TMEM202: variants seen among roughly 807,000 people sequenced by gnomAD.
TMEM202 encodes the protein transmembrane protein 202.
Under a neutral mutation model 26.1 loss-of-function variants are expected in TMEM202, and 25 were observed. The observed-to-expected ratio is 0.96, with a 90% CI of 0.70 to 1.34. TMEM202 has a LOEUF of 1.34. Among genes scored for constraint, TMEM202 ranks in the 40% most tolerant of loss-of-function variants. The pLI, the probability that TMEM202 is intolerant of heterozygous loss-of-function variation, is 0.00. For synonymous variants in TMEM202, 122 were observed against 119.0 expected (o/e 1.02, Z -0.16); for missense variants, 301 against 327.7 (o/e 0.92, Z 0.63).
Position 72,398,750 on chromosome 15 carries a change from G to A in TMEM202, c.179G>A (p.Cys60Tyr). ...DQAHIYIRTL[C>Y]GSLCSFSLLM... ...GCACACATCTACATCCGAACGCTCT[G>A]TGGCAGCCTCTGTAGTTTTAGCCTC... is the stretch of plus-strand genomic sequence containing the variant. The change falls in exon 2 of 5, where the codon TGT becomes TAT. Residue 60 changes from cysteine to tyrosine, a missense_variant. By Grantham distance (194) the Cys-to-Tyr change is radical (BLOSUM62 -2). Coordinates refer to ENST00000341689, the MANE Select transcript of TMEM202 (RefSeq NM_001080462.3). 6.2e-7 allele frequency: 1 copy of A among 1,614,192 alleles called. No homozygotes were observed. The highest frequency in any genetic ancestry group is 8.5e-7 in the Non-Finnish European group (1 of 1,180,038).
Position 72,408,140 on chromosome 15 carries a change from A to G in TMEM202, c.*247A>G, listed in dbSNP as rs894835128. The G allele has an allele frequency of 1.6e-5, 7 of 437,996 alleles. No homozygotes were observed. The Middle Eastern group carries it at 4.0e-3, about 249-fold the overall frequency. 27.1% of individuals were successfully genotyped at this position (437,996 alleles called of 1,614,324 possible). ...AATGTTTAGAGTCATGAATGAAAGAAACTAGTGAAAGATGCAGTGTGTAGA... is the reference window on the plus strand; with the variant it reads ...AATGTTTAGAGTCATGAATGAAAGAGACTAGTGAAAGATGCAGTGTGTAGA... On this transcript the variant is annotated 3_prime_UTR_variant, in exon 5 of 5. Transcript: ENST00000341689.
intron 2 of TMEM202, among the ~76,000 whole-genome samples, chr15:72,404,011 T>C (rs542713297): frequency 1.3e-5 from 2 of 152,218 alleles, no homozygotes; most frequent in Non-Finnish European, 2.9e-5. Flanking sequence ...GGACTTTATA[T>C]GTTAGGCTGG....
chr15:72,399,866 A>G (rs1036902331), intron 2 of TMEM202, among the ~76,000 whole-genome samples: 4 of 152,248 alleles, frequency 2.6e-5, no homozygotes, highest in African/African-American at 9.6e-5. Context: ...AGAAGTGGGT[A>G]TTGTGAAAGA....
intron 1 of TMEM202, 81 bp from the exon 2 acceptor site, chr15:72,398,572 G>C: frequency 1.3e-6 from 2 of 1,549,704 alleles, no homozygotes; most frequent in Non-Finnish European, 1.8e-6. Flanking sequence ...ACATGGGAAT[G>C]CTTGAGGTAG....
chr15:72,407,858 G>C lies in TMEM202; in HGVS notation c.787G>C (p.Glu263Gln). The C allele has an allele frequency of 1.2e-6, 2 of 1,614,020 alleles. No homozygotes were observed. Among genetic ancestry groups the C allele is most frequent in the Non-Finnish European group, 1.7e-6 (2 of 1,180,018 alleles). ...TGAGATGGAATCTCTAAGTGTGAGA[G>C]AGAAAAATTTACCAAAGTCAGGACT... ...RSEMESLSVR[E>Q]KNLPKSGLWW Residue 263 changes from glutamate (E) to glutamine (Q), a missense_variant, in exon 5 of 5, where the codon GAG becomes CAG. By Grantham distance (29) the Glu-to-Gln change is conservative (BLOSUM62 2). Coordinates refer to ENST00000341689, the MANE Select transcript of TMEM202 (RefSeq NM_001080462.3).
chr15:72,406,935 A>G, intron 3 of TMEM202, 151 bp from the exon 4 acceptor site: 1 of 1,217,918 alleles, frequency 8.2e-7, no homozygotes, highest in Non-Finnish European at 1.1e-6. Flanking sequence ...ACCAGGGTAT[A>G]GAGCCTTTCT....
rs751029177 is a variant in TMEM202 at position 72,398,866 on chromosome 15, T to C, written c.295T>C (p.Cys99Arg). 1.5e-5 allele frequency: 24 copies of C among 1,613,616 alleles called. No individual in the cohort carries two copies. The South Asian group carries it at 2.5e-4, about 17-fold the overall frequency. ...GCTCTACGCAGGACTCTGGACCTTA[T>C]GCAACCATGAGCTGTGCTGGAGCCA... Reference protein sequence around the residue: ...LELYAGLWTLCNHELCWSHTP... With the variant: ...LELYAGLWTLRNHELCWSHTP... The change falls in exon 2 of 5, where the codon TGC (cysteine) becomes CGC (arginine). Residue 99 changes from cysteine to arginine, a missense_variant. By Grantham distance (180) the Cys-to-Arg change is radical. Transcript: ENST00000341689.
At chr15:72,405,807 G>C (rs960747327) in intron 2 of TMEM202, among the ~76,000 whole-genome samples, 1 of 152,038 alleles carries the variant, frequency 6.6e-6, no homozygotes, top group Non-Finnish European at 1.5e-5. Flanking sequence ...GGCCAACATG[G>C]TGAAACCCTG....
Position 72,398,713 on chromosome 15 carries a change from C to T in TMEM202, c.142C>T (p.Leu48Phe). The part of the protein sequence containing the change: ...ASMSCQRQQQ[L>F]MDQAHIYIRT... ...GATGTCATGCCAAAGGCAGCAGCAG[C>T]TTATGGATCAGGCACACATCTACAT... Residue 48 changes from leucine to phenylalanine, a missense_variant, in exon 2 of 5, where the codon CTT (leucine) becomes TTT (phenylalanine). Transcript: ENST00000341689. 6.2e-7 allele frequency: 1 copy of T among 1,614,184 alleles called. No homozygotes were observed. The highest frequency in any genetic ancestry group is 2.2e-5 in the East Asian group (1 of 44,868).
chr15:72,402,726 G>A (rs1219326101), intron 2 of TMEM202, among the ~76,000 whole-genome samples: 1 of 152,130 alleles, frequency 6.6e-6, no homozygotes, highest in Non-Finnish European at 1.5e-5. Context: ...AAGTCTTTTT[G>A]TCAAGGCACT....
chr15:72,406,658 G>A lies in TMEM202; in HGVS notation c.394G>A (p.Gly132Ser), dbSNP rs775816192. ...CATCTCTGTCTTTACCATACTTACT[G>A]GCCTTGGCTGGCTCTTCAGCTCTTG... ...FLISVFTILT[G>S]LGWLFSSWIL... is the part of the protein sequence containing the mutation. Residue 132 changes from glycine to serine, a missense_variant, in exon 3 of 5, where the codon GGC becomes AGC. Transcript: ENST00000341689. The A allele has an allele frequency of 6.2e-7, 1 of 1,613,818 alleles. No homozygotes were observed. The highest frequency in any genetic ancestry group is 8.5e-7 in the Non-Finnish European group (1 of 1,179,826).
chr15:72,406,638 CTGTCTTTACCATACTT>C lies in TMEM202; in HGVS notation c.375_390del (p.Val126LeufsTer17), dbSNP rs1420199462. On this transcript the variant is annotated frameshift_variant, in exon 3 of 5. Coordinates refer to ENST00000341689, the MANE Select transcript of TMEM202 (RefSeq NM_001080462.3). LOFTEE classifies it high-confidence loss of function. ...TATTCCAGGGCCTTCTTTCTCATCT[CTGTCTTTACCATACTT>C]ACTGGCCTTGGCTGGCTCTTCAGCT... 6.2e-7 allele frequency: 1 copy of C among 1,614,026 alleles called. No individual in the cohort carries two copies. Among genetic ancestry groups the C allele is most frequent in the Non-Finnish European group, 8.5e-7 (1 of 1,179,918 alleles).
intron 3 of TMEM202, 111 bp from the exon 4 acceptor site, chr15:72,406,975 C>G: frequency 2.8e-6 from 4 of 1,449,720 alleles, no homozygotes; most frequent in Non-Finnish European, 2.8e-6. Context: ...AGGTTTTTAT[C>G]TTTTTGATCC....
intron 1 of TMEM202, 53 bp downstream of exon 1, chr15:72,398,460 GGCAGGGCTACACAGA>G: frequency 6.6e-7 from 1 of 1,522,656 alleles, no homozygotes; most frequent in Non-Finnish European, 9.0e-7. Flanking sequence ...CTTACTTAAA[GGCAGGGCTACACAGA>G]GCATCCTAAA....
intron 4 of TMEM202, 145 bp from the exon 5 acceptor site, chr15:72,407,545 AG>A: frequency 1.4e-6 from 1 of 700,024 alleles, no homozygotes; most frequent in African/African-American, 1.8e-5. Context: ...ATTAGAGCAC[AG>A]GAGGGTAAAG....
chr15:72,402,528 G>A (rs2063552484), intron 2 of TMEM202, among the ~76,000 whole-genome samples: 2 of 152,140 alleles, frequency 1.3e-5, no homozygotes, highest in Admixed American at 1.3e-4. Flanking sequence ...TGTGGCTGTT[G>A]CTAATGGGAT....
In TMEM202 at chr15:72,406,661, C is replaced by T. The variant is rs376359478; in HGVS notation, c.397C>T (p.Leu133Phe). 6 of 1,613,882 alleles carry T rather than the reference C, an allele frequency of 3.7e-6. No individual in the cohort carries two copies. Among genetic ancestry groups the T allele is most frequent in the African/African-American group, 2.7e-5 (2 of 74,888 alleles). The part of the protein sequence containing the change: ...LISVFTILTG[L>F]GWLFSSWILN... Reference sequence around the variant, plus strand: ...CTCTGTCTTTACCATACTTACTGGCCTTGGCTGGCTCTTCAGCTCTTGGAT... The same window carrying T: ...CTCTGTCTTTACCATACTTACTGGCTTTGGCTGGCTCTTCAGCTCTTGGAT... The change falls in exon 3 of 5, where the codon CTT becomes TTT. Residue 133 changes from leucine to phenylalanine, a missense_variant. Physicochemically the swap from Leu to Phe is conservative, Grantham distance 22. Coordinates refer to ENST00000341689, the MANE Select transcript of TMEM202 (RefSeq NM_001080462.3).
At position 72,405,408 on chromosome 15, in the gene TMEM202, C is replaced by T. The variant is rs559099003; in HGVS notation, c.338-1194C>T. ...TTCAGTAAAATATTGATGGGGAAGT[C>T]GAAGAACCTGTTCCATCTTAGGGAT... On this transcript the variant is annotated intron_variant, in intron 2 of 4. Coordinates refer to ENST00000341689, the MANE Select transcript of TMEM202 (RefSeq NM_001080462.3). 9.2e-5 allele frequency among the ~76,000 whole-genome samples: 14 copies of T among 152,152 alleles called. No homozygotes were observed. In the South Asian group the frequency reaches 2.5e-3, roughly 27 times the overall value.
At chr15:72,398,935 A>C in intron 2 of TMEM202, 27 bp downstream of exon 2, 1 of 1,593,400 alleles carries the variant, frequency 6.3e-7, no homozygotes. Context: ...TAAATGCCAC[A>C]GGCCCCACAC....
Sources: allele counts gnomAD v4.1 joint callset (sites outside exome capture counted in the v4.1 genomes callset), GRCh38; gene constraint gnomAD v4.1.1; transcripts MANE v1.5; gene names NCBI Gene and HGNC (gene_info 2026-07-23, HGNC 2026-07-21).